NALCN: variants seen among roughly 807,000 people sequenced by gnomAD.
The protein encoded by NALCN is sodium leak channel NALCN.
Under a neutral mutation model 225.3 loss-of-function variants are expected in NALCN, and 111 were observed. The ratio of observed to expected loss-of-function variants is 0.49; its 90% CI spans 0.42 to 0.58. The LOEUF (loss-of-function observed/expected upper bound fraction) is 0.58, where lower values mean the gene tolerates loss of function less well. Among genes scored for constraint, NALCN ranks in the 20% least tolerant of loss-of-function variants. The pLI is 0.00. For missense variants in NALCN, 1,378 were observed against 2,202.4 expected, an observed-to-expected ratio of 0.63 and a Z score of 7.49; for synonymous variants, 764 against 769.0, an observed-to-expected ratio of 0.99 and a Z score of 0.11.
intron 30 of NALCN, among the ~76,000 whole-genome samples, chr13:101,086,084 C>T (rs74119236): frequency 0.014 from 2,121 of 151,930 alleles, 49 homozygotes; most frequent in African/African-American, 0.04. Context: ...GTTCAACCTT[C>T]CTAGAGGTTT....
At chr13:101,065,594 T>C (rs1449614244) in intron 39 of NALCN, 33 bp from the exon 40 acceptor site, 1 of 1,605,764 alleles carries the variant, frequency 6.2e-7, no homozygotes, top group African/African-American at 1.3e-5. Flanking sequence ...TAGCAAATCA[T>C]CAGGCCTCGA....
At position 101,144,456 on chromosome 13, in the gene NALCN, T is replaced by C. The variant is rs1594299879; in HGVS notation, c.1976+304A>G. Among the ~76,000 whole-genome samples, 6 of 152,348 alleles carry C rather than the reference T, an allele frequency of 3.9e-5. No homozygotes were observed. The Middle Eastern group carries it at 0.02, about 518-fold the overall frequency. On this transcript the variant is annotated intron_variant, in intron 16 of 43. Coordinates refer to ENST00000251127, the MANE Select transcript of NALCN (RefSeq NM_052867.4). Reference sequence around the variant, plus strand: ...TGCCATCCCTGCAACACTGAGCAGCTTCTCCAGTTTCCTGGGATGTCCCAT... The same window carrying C: ...TGCCATCCCTGCAACACTGAGCAGCCTCTCCAGTTTCCTGGGATGTCCCAT...
chr13:101,152,614 C>T (rs564455132), intron 15 of NALCN, among the ~76,000 whole-genome samples: 2 of 152,112 alleles, frequency 1.3e-5, no homozygotes, highest in South Asian at 4.2e-4. Context: ...TATTCAAATC[C>T]AGAATACCTA....
intron 10 of NALCN, among the ~76,000 whole-genome samples, chr13:101,282,427 T>C (rs2043197718): frequency 6.6e-6 from 1 of 152,100 alleles, no homozygotes; most frequent in African/African-American, 2.4e-5. Context: ...CACCGCATAA[T>C]CTCATTTATA....
intron 17 of NALCN, among the ~76,000 whole-genome samples, chr13:101,135,883 C>G (rs1391197710): frequency 6.6e-6 from 1 of 152,164 alleles, no homozygotes; most frequent in Non-Finnish European, 1.5e-5. Context: ...GCGGCCTTAA[C>G]TCCTTGATAC....
At chr13:101,215,455 T>C (rs1413248) in intron 13 of NALCN, among the ~76,000 whole-genome samples, 39,050 of 151,964 alleles carry the variant, frequency 0.26, 5,310 homozygotes, top group East Asian at 0.37. Flanking sequence ...GGTCAGAATG[T>C]GGGCATGGTG....
At chr13:101,265,393 T>C (rs777267604) in intron 10 of NALCN, among the ~76,000 whole-genome samples, 4 of 152,082 alleles carry the variant, frequency 2.6e-5, no homozygotes, top group Non-Finnish European at 4.4e-5. Flanking sequence ...TCCAAAAGTG[T>C]AATGAGACAA....
intron 13 of NALCN, among the ~76,000 whole-genome samples, chr13:101,209,293 G>A (rs898743605): frequency 1.3e-5 from 2 of 152,172 alleles, no homozygotes; most frequent in Admixed American, 1.3e-4. Context: ...ATGTCTTTCT[G>A]GACTTGATCA....
intron 7 of NALCN, among the ~76,000 whole-genome samples, chr13:101,340,964 G>A (rs2045539779): frequency 6.6e-6 from 1 of 151,602 alleles, no homozygotes; most frequent in Non-Finnish European, 1.5e-5. Flanking sequence ...AGTTTATCAT[G>A]CATTCTCATC....
intron 15 of NALCN, among the ~76,000 whole-genome samples, chr13:101,153,825 C>CTGG (rs2037772986): frequency 6.6e-6 from 1 of 152,198 alleles, no homozygotes; most frequent in African/African-American, 2.4e-5. Flanking sequence ...TTATGTCCCT[C>CTGG]TGGTCCTTAA....
intron 37 of NALCN, among the ~76,000 whole-genome samples, chr13:101,069,372 C>T (rs532076068): frequency 1.1e-4 from 16 of 152,216 alleles, no homozygotes; most frequent in Non-Finnish European, 1.9e-4. Context: ...ATTAAGTGCA[C>T]AATGGCATTA....
intron 22 of NALCN, among the ~76,000 whole-genome samples, chr13:101,105,696 C>T (rs756032097): frequency 6.6e-5 from 10 of 152,176 alleles, no homozygotes; most frequent in Non-Finnish European, 1.0e-4. Flanking sequence ...TCTTCCTTTA[C>T]TTTGAAAACT....
chr13:101,093,669 G>T (rs751674233), intron 28 of NALCN, among the ~76,000 whole-genome samples: 15 of 152,178 alleles, frequency 9.9e-5, no homozygotes, highest in Non-Finnish European at 2.2e-4. Flanking sequence ...TAGGTTGAGT[G>T]CTATAGGGCA....
intron 20 of NALCN, among the ~76,000 whole-genome samples, chr13:101,109,403 G>A (rs558469386): frequency 3.3e-5 from 5 of 152,036 alleles, no homozygotes; most frequent in African/African-American, 4.8e-5. Context: ...GATTTTGCCC[G>A]GAACACTTAA....
intron 15 of NALCN, among the ~76,000 whole-genome samples, chr13:101,172,275 G>A (rs1340925841): frequency 6.6e-6 from 1 of 151,942 alleles, no homozygotes; most frequent in Admixed American, 6.6e-5. Flanking sequence ...GCCCTGGTGG[G>A]CTTTGACTTT....
At chr13:101,299,264 A>G (rs1355633946) in intron 7 of NALCN, among the ~76,000 whole-genome samples, 1 of 152,236 alleles carries the variant, frequency 6.6e-6, no homozygotes, top group Non-Finnish European at 1.5e-5. Context: ...GGGGGAAGGG[A>G]GGCTATCTCT....
chr13:101,364,471 A>T (rs2046329665), intron 6 of NALCN, among the ~76,000 whole-genome samples: 1 of 152,158 alleles, frequency 6.6e-6, no homozygotes, highest in African/African-American at 2.4e-5. Context: ...TAAAAGAAAT[A>T]AGCCAAGCAC....
rs1356594622 is a variant in NALCN, at chr13:101,144,816, T to C, written c.1920A>G (p.Arg640=). The C allele has an allele frequency of 1.9e-6, 3 of 1,613,678 alleles. No individual in the cohort carries two copies. The highest frequency in any genetic ancestry group is 1.7e-5 in the Admixed American group (1 of 59,986). The change falls in exon 16 of 44, where the codon AGA becomes AGG. Residue 640 remains arginine, a synonymous_variant. Transcript: ENST00000251127. Reference sequence around the variant, plus strand: ...GCTTTGAGATTTTCACCATTTGAGGTCTGTTTGGAAATTTTTCAAAGATTC... The same window carrying C: ...GCTTTGAGATTTTCACCATTTGAGGCCTGTTTGGAAATTTTTCAAAGATTC... ...RLRIFEKFPN[R]PQMVKISKLP...
At chr13:101,281,507 T>A (rs1343242935) in intron 10 of NALCN, among the ~76,000 whole-genome samples, 2 of 152,216 alleles carry the variant, frequency 1.3e-5, no homozygotes, top group Non-Finnish European at 2.9e-5. Context: ...TTAGTAGTGA[T>A]AGTAGGAGTA....
Sources: allele counts gnomAD v4.1 joint callset (sites outside exome capture counted in the v4.1 genomes callset), GRCh38; gene constraint gnomAD v4.1.1; transcripts MANE v1.5; gene names NCBI Gene and HGNC (gene_info 2026-07-23, HGNC 2026-07-21).